JAM2: variants seen among roughly 807,000 people sequenced by gnomAD.
The protein encoded by JAM2 is junctional adhesion molecule 2.
JAM2 carries 17 observed loss-of-function variants against 42.0 expected under a neutral mutation model. The observed-to-expected ratio is 0.40, with a 90% CI of 0.28 to 0.61. JAM2 has a LOEUF of 0.61. Ranked by LOEUF, JAM2 falls within the 20% of genes least tolerant of loss-of-function variation. The pLI is 0.37. For missense variants in JAM2, 319 were observed against 358.3 expected, an observed-to-expected ratio of 0.89 and a Z score of 0.89; for synonymous variants, 118 against 128.6, an observed-to-expected ratio of 0.92 and a Z score of 0.56.
At chr21:25,697,248 T>A (rs2034058660) in intron 4 of JAM2, among the ~76,000 whole-genome samples, 1 of 151,712 alleles carries the variant, frequency 6.6e-6, no homozygotes, top group African/African-American at 2.4e-5. Context: ...ATTCATGAAA[T>A]CATCCTATCT....
intron 1 of JAM2, among the ~76,000 whole-genome samples, chr21:25,665,148 A>G (rs187084430): frequency 1.1e-3 from 164 of 152,234 alleles, no homozygotes; most frequent in African/African-American, 3.8e-3. Flanking sequence ...TGTAATAGGG[A>G]GGAGACAGCA....
chr21:25,695,030 G>T (rs2033971269), intron 4 of JAM2, among the ~76,000 whole-genome samples: 2 of 151,522 alleles, frequency 1.3e-5, no homozygotes, highest in African/African-American at 4.9e-5. Flanking sequence ...TCTCGCAGAG[G>T]GGGATTTGGC....
Position 25,660,759 on chromosome 21 carries a change from C to CATATATATATATATAT in JAM2, c.67+20880_67+20895dup, listed in dbSNP as rs1311949044. Among the ~76,000 whole-genome samples the CATATATATATATATAT allele has an allele frequency of 4.1e-3, 220 of 53,372 alleles. 6 individuals are homozygous for CATATATATATATATAT. The highest frequency in any genetic ancestry group is 0.017 in the Middle Eastern group (1 of 58). The allele number at this position is 53,372 out of a possible 152,430, so 35.0% of individuals were successfully genotyped here. ...TTTGTATTCTAATGCTCACAATAAC[C>CATATATATATATATAT]ATATATATATATATATATATATATT... On this transcript the variant is annotated intron_variant, in intron 1 of 9. Coordinates refer to ENST00000480456, the MANE Select transcript of JAM2 (RefSeq NM_021219.4).
intron 9 of JAM2, chr21:25,714,349 C>T (rs1188692258): frequency 2.0e-6 from 1 of 512,092 alleles, no homozygotes; most frequent in African/African-American, 2.0e-5. Flanking sequence ...TACTAAAATA[C>T]AAAAATTAGC....
intron 3 of JAM2, 78 bp from the exon 4 acceptor site, chr21:25,693,678 A>G: frequency 8.5e-7 from 1 of 1,176,286 alleles, no homozygotes. Flanking sequence ...TGGTTACTAA[A>G]TGAACTGATT....
chr21:25,643,068 AATACC>A (rs2032492012), intron 1 of JAM2, among the ~76,000 whole-genome samples: 1 of 152,182 alleles, frequency 6.6e-6, no homozygotes, highest in Non-Finnish European at 1.5e-5. Flanking sequence ...TTCAACTCCT[AATACC>A]ATCACATTGG....
At chr21:25,681,312 G>A (rs186786609) in intron 1 of JAM2, among the ~76,000 whole-genome samples, 221 of 152,278 alleles carry the variant, frequency 1.5e-3, no homozygotes, top group Non-Finnish European at 2.4e-3. Context: ...AAAGGAAAGA[G>A]GTTTAATTGA....
intron 1 of JAM2, among the ~76,000 whole-genome samples, chr21:25,664,335 A>C (rs1040644573): frequency 2.6e-5 from 4 of 152,068 alleles, no homozygotes; most frequent in African/African-American, 9.7e-5. Flanking sequence ...TCCTGAGTTC[A>C]AGTGATTGTC....
intron 1 of JAM2, among the ~76,000 whole-genome samples, chr21:25,683,468 T>C (rs534860209): frequency 6.6e-5 from 10 of 152,322 alleles, no homozygotes; most frequent in African/African-American, 2.4e-4. Context: ...GACATGGGTA[T>C]TGTCAAGGAT....
At chr21:25,678,628 A>G (rs1197740612) in intron 1 of JAM2, among the ~76,000 whole-genome samples, 1 of 152,194 alleles carries the variant, frequency 6.6e-6, no homozygotes, top group African/African-American at 2.4e-5. Flanking sequence ...CTTTCTACAG[A>G]CATATTTACA....
rs756183642 is a variant in JAM2, at chr21:25,639,786, G to C, written c.-36G>C. 2.0e-6 allele frequency: 3 copies of C among 1,507,240 alleles called. No homozygotes were observed. The highest frequency in any genetic ancestry group is 2.7e-6 in the Non-Finnish European group (3 of 1,116,506). 93.4% of individuals were successfully genotyped at this position (1,507,240 alleles called of 1,614,324 possible). ...CTGCGCTCCTGCCGCCGGGACCCTC[G>C]ACCTCCTCAGAGCAGCCGGCTGCCG... is the stretch of plus-strand genomic sequence containing the variant. On this transcript the variant is annotated 5_prime_UTR_variant, in exon 1 of 10. Coordinates refer to ENST00000480456, the MANE Select transcript of JAM2 (RefSeq NM_021219.4).
chr21:25,691,638 G>C (rs899391349), intron 3 of JAM2, among the ~76,000 whole-genome samples: 1 of 152,138 alleles, frequency 6.6e-6, no homozygotes, highest in Non-Finnish European at 1.5e-5. Flanking sequence ...TACTGTTCCA[G>C]TCAATTAAAC....
chr21:25,660,146 C>T (rs1172678006), intron 1 of JAM2, among the ~76,000 whole-genome samples: 1 of 152,150 alleles, frequency 6.6e-6, no homozygotes, highest in African/African-American at 2.4e-5. Context: ...GTCTCAAACT[C>T]CTGACCTCAA....
intron 1 of JAM2, among the ~76,000 whole-genome samples, chr21:25,650,790 A>G (rs1456038783): frequency 6.6e-6 from 1 of 152,184 alleles, no homozygotes; most frequent in South Asian, 2.1e-4. Flanking sequence ...TGAGATTGGT[A>G]CATGAATAGA....
At chr21:25,644,315 A>G (rs1447990342) in intron 1 of JAM2, 1 of 152,308 alleles carries the variant, frequency 6.6e-6, no homozygotes, top group Non-Finnish European at 1.5e-5. Context: ...TCTAGAGGTC[A>G]GAAGTCTGAA....
chr21:25,659,435 T>C (rs977554534), intron 1 of JAM2, among the ~76,000 whole-genome samples: 22 of 152,194 alleles, frequency 1.4e-4, no homozygotes, highest in African/African-American at 5.3e-4. Context: ...TTAAAATAAA[T>C]AAATAACTCT....
intron 1 of JAM2, 54 bp downstream of exon 1, chr21:25,639,942 C>G: frequency 7.8e-7 from 1 of 1,281,048 alleles, no homozygotes; most frequent in Non-Finnish European, 1.1e-6. Flanking sequence ...TGCCCCCACC[C>G]TCCAGCCCCC....
At chr21:25,711,854 G>A (rs1270432371) in intron 8 of JAM2, among the ~76,000 whole-genome samples, 1 of 152,146 alleles carries the variant, frequency 6.6e-6, no homozygotes, top group African/African-American at 2.4e-5. Flanking sequence ...GTAGTAATCT[G>A]GTGGGGAATA....
chr21:25,656,364 C>T (rs909085202), intron 1 of JAM2, among the ~76,000 whole-genome samples: 11 of 152,014 alleles, frequency 7.2e-5, no homozygotes, highest in African/African-American at 2.2e-4. Flanking sequence ...CAAAATTGGC[C>T]GTAGTTTCTA....
Sources: allele counts gnomAD v4.1 joint callset (sites outside exome capture counted in the v4.1 genomes callset), GRCh38; gene constraint gnomAD v4.1.1; transcripts MANE v1.5; gene names NCBI Gene and HGNC (gene_info 2026-07-23, HGNC 2026-07-21).